Variants in DDX50 observed in about 807,000 individuals in gnomAD.
The protein encoded by DDX50 is DExD-box helicase 50.
In DDX50, 56 loss-of-function variants were observed where a neutral mutation model predicts 94.8. The observed-to-expected ratio is 0.59, with a 90% CI of 0.48 to 0.74. The LOEUF is 0.74. Ranked by LOEUF, DDX50 falls within the 30% of genes least tolerant of loss-of-function variation. The pLI is 0.00. For synonymous variants in DDX50, 264 were observed against 295.4 expected, an observed-to-expected ratio of 0.89 and a Z score of 1.09; for missense variants, 713 against 881.2, an observed-to-expected ratio of 0.81 and a Z score of 2.42.
chr10:68,933,465 A>G (rs1842324960), intron 8 of DDX50, among the ~76,000 whole-genome samples: 1 of 152,282 alleles, frequency 6.6e-6, no homozygotes, highest in South Asian at 2.1e-4. Flanking sequence ...ATCCATATGA[A>G]TAAATTATAT....
chr10:68,928,972 C>T (rs1048221623), intron 8 of DDX50, among the ~76,000 whole-genome samples: 3 of 151,826 alleles, frequency 2.0e-5, no homozygotes, highest in South Asian at 2.1e-4. Context: ...TTTTTTGAGA[C>T]GGAGTCTTGC....
chr10:68,901,594 G>A, intron 1 of DDX50, 123 bp downstream of exon 1: 3 of 1,017,866 alleles, frequency 2.9e-6, no homozygotes, highest in Non-Finnish European at 4.2e-6. Context: ...CTCCCTTCGC[G>A]CCGCCCTCGG....
chr10:68,933,037 C>A (rs1366362794), intron 8 of DDX50, among the ~76,000 whole-genome samples: 2 of 149,074 alleles, frequency 1.3e-5, no homozygotes, highest in Non-Finnish European at 3.0e-5. Flanking sequence ...TACAAAGTTA[C>A]AAAGTTGTTC....
chr10:68,908,637 CTTTTTTT>C (rs1157178909), intron 2 of DDX50, among the ~76,000 whole-genome samples: 3 of 95,754 alleles, frequency 3.1e-5, no homozygotes, highest in South Asian at 3.5e-4. Flanking sequence ...TTAAAATTTC[CTTTTTTT>C]TTTTTTTTTT....
At chr10:68,923,953 T>C (rs1842009412) in intron 8 of DDX50, among the ~76,000 whole-genome samples, 1 of 130,156 alleles carries the variant, frequency 7.7e-6, no homozygotes. Flanking sequence ...TTTTTTTTTT[T>C]TTTTTTTTTT....
Position 68,919,891 on chromosome 10 carries a change from A to G in DDX50, c.1149A>G (p.Gln383=), listed in dbSNP as rs1316885114. 1.2e-6 allele frequency: 2 copies of G among 1,614,070 alleles called. No homozygotes were observed. Among genetic ancestry groups the G allele is most frequent in the Non-Finnish European group, 1.7e-6 (2 of 1,179,932 alleles). Residue 383 remains glutamine, a synonymous_variant, in exon 8 of 15, where the codon CAA becomes CAG. Coordinates refer to ENST00000373585, the MANE Select transcript of DDX50 (RefSeq NM_024045.2). ...QRPAVIGDVL[Q]VYSGSEGRAI... is the part of the protein sequence containing the mutation. ...CAGCAGTTATTGGAGATGTCCTTCA[A>G]GTCTACAGTGGGTCTGAAGGGAGGG... is the stretch of plus-strand genomic sequence containing the variant.
At chr10:68,925,402 G>T (rs902098418) in intron 8 of DDX50, among the ~76,000 whole-genome samples, 1 of 151,824 alleles carries the variant, frequency 6.6e-6, no homozygotes, top group Non-Finnish European at 1.5e-5. Flanking sequence ...GAGCCACCGC[G>T]CCCAGCCTCT....
rs1842444837 is a variant in DDX50, at chr10:68,937,210, A to C, written c.1755+115A>C. Reference sequence around the variant, plus strand: ...CAGAAAAAAACTGTTTTGCTCTATGAGAAACTGGTCTCCTTATTTTCCTCT... The same window carrying C: ...CAGAAAAAAACTGTTTTGCTCTATGCGAAACTGGTCTCCTTATTTTCCTCT... On this transcript the variant is annotated intron_variant, in intron 12 of 14. Coordinates refer to ENST00000373585, the MANE Select transcript of DDX50 (RefSeq NM_024045.2). The C allele has an allele frequency of 4.4e-6, 5 of 1,136,514 alleles. No individual in the cohort carries two copies. In the South Asian group the frequency reaches 9.2e-5, roughly 21 times the overall value. The allele number at this position is 1,136,514 out of a possible 1,614,324, so 70.4% of individuals were successfully genotyped here. A position where few individuals can be genotyped will look rare whatever the true frequency, so the allele number is the denominator to read the frequency against.
chr10:68,928,172 AG>A (rs1431791229), intron 8 of DDX50, among the ~76,000 whole-genome samples: 1 of 152,070 alleles, frequency 6.6e-6, no homozygotes, highest in Non-Finnish European at 1.5e-5. Context: ...AAAATTGCCT[AG>A]GTGTGGTGGG....
At chr10:68,936,383 G>T (rs1842406843) in intron 11 of DDX50, among the ~76,000 whole-genome samples, 1 of 149,166 alleles carries the variant, frequency 6.7e-6, no homozygotes, top group Non-Finnish European at 1.5e-5. Context: ...CAGCTACTTG[G>T]GAGGCTGGAG....
chr10:68,932,828 G>C (rs1842306539), intron 8 of DDX50, among the ~76,000 whole-genome samples: 1 of 152,084 alleles, frequency 6.6e-6, no homozygotes, highest in African/African-American at 2.4e-5. Flanking sequence ...ATATACACAA[G>C]CTGGGTAGGG....
chr10:68,945,609 T>A (rs1842653840), intron 14 of DDX50, among the ~76,000 whole-genome samples: 1 of 152,226 alleles, frequency 6.6e-6, no homozygotes, highest in Admixed American at 6.5e-5. Context: ...GCCCGGCCAA[T>A]AACAACTTTC....
intron 8 of DDX50, among the ~76,000 whole-genome samples, chr10:68,931,347 C>G (rs1272050647): frequency 1.4e-5 from 2 of 145,632 alleles, no homozygotes; most frequent in African/African-American, 5.1e-5. Flanking sequence ...GGGTCTTGCT[C>G]TGTCACCCAG....
intron 14 of DDX50, 38 bp downstream of exon 14, chr10:68,943,295 A>C: frequency 1.3e-6 from 2 of 1,502,708 alleles, no homozygotes; most frequent in African/African-American, 2.8e-5. Flanking sequence ...GGTTGAGTAC[A>C]TTCTCTAACA....
Position 68,911,256 on chromosome 10 carries a change from A to G in DDX50, c.639+10A>G, listed in dbSNP as rs754828833. 3 of 1,575,642 alleles carry G rather than the reference A, an allele frequency of 1.9e-6. No homozygotes were observed. The South Asian group carries it at 3.6e-5, about 19-fold the overall frequency. ...AAGCCGCTCACCAAAGGTAATCGTT[A>G]TAGGGGGTAAAAGCTTTAAATGTTA... is the stretch of plus-strand genomic sequence containing the variant. On this transcript the variant is annotated intron_variant, in intron 4 of 14. Transcript: ENST00000373585.
chr10:68,910,805 G>A (rs1841604210), intron 3 of DDX50, among the ~76,000 whole-genome samples: 1 of 152,192 alleles, frequency 6.6e-6, no homozygotes, highest in Admixed American at 6.5e-5. Flanking sequence ...AAAGCATAGA[G>A]AAGTAGCTCT....
chr10:68,934,934 T>A lies in DDX50; in HGVS notation c.1521+16T>A. The stretch of plus-strand genomic sequence containing the variant: ...ACAAAAAGCAGTAAGTAGAGTTAAA[T>A]TATTTCAGGCTTATTGTCTAAATGG... On this transcript the variant is annotated intron_variant, in intron 10 of 14. Coordinates refer to ENST00000373585, the MANE Select transcript of DDX50 (RefSeq NM_024045.2). This position sits in a 1 kb window ranked among gnomAD's most constrained non-coding sequence, Gnocchi z 4.0. The A allele has an allele frequency of 6.2e-7, 1 of 1,608,946 alleles. No individual in the cohort carries two copies. Among genetic ancestry groups the A allele is most frequent in the Non-Finnish European group, 8.5e-7 (1 of 1,177,976 alleles).
intron 12 of DDX50, among the ~76,000 whole-genome samples, chr10:68,939,976 C>T (rs907307953): frequency 1.3e-5 from 2 of 152,218 alleles, no homozygotes; most frequent in East Asian, 1.9e-4. Context: ...ACGTAGGGCG[C>T]ACTCAATAAA....
At chr10:68,920,336 CG>C (rs1351533541) in intron 8 of DDX50, among the ~76,000 whole-genome samples, 2 of 151,902 alleles carry the variant, frequency 1.3e-5, no homozygotes, top group Non-Finnish European at 2.9e-5. Flanking sequence ...TCATTTTTTG[CG>C]TATTTTGTAG....
Sources: allele counts gnomAD v4.1 joint callset (sites outside exome capture counted in the v4.1 genomes callset), GRCh38; gene constraint gnomAD v4.1.1; non-coding constraint Gnocchi (gnomAD v3.1); transcripts MANE v1.5; gene names NCBI Gene and HGNC (gene_info 2026-07-23, HGNC 2026-07-21).